Variants in KCNH7 observed in about 807,000 individuals in gnomAD.
The protein encoded by KCNH7 is voltage-gated inwardly rectifying potassium channel KCNH7.
A neutral mutation model predicts 120.8 loss-of-function variants in KCNH7; 49 were observed. The ratio of observed to expected loss-of-function variants is 0.41; its 90% CI spans 0.32 to 0.51. The LOEUF (loss-of-function observed/expected upper bound fraction) is 0.51, where lower values mean the gene tolerates loss of function less well. Ranked by LOEUF, KCNH7 falls within the 20% of genes least tolerant of loss-of-function variation. The pLI is 0.38. For missense variants in KCNH7, 1,097 were observed against 1,446.6 expected, an observed-to-expected ratio of 0.76 and a Z score of 3.92; for synonymous variants, 547 against 516.1, an observed-to-expected ratio of 1.06 and a Z score of -0.81.
At chr2:162,433,203 C>T (rs1688126756) in intron 8 of KCNH7, among the ~76,000 whole-genome samples, 1 of 152,028 alleles carries the variant, frequency 6.6e-6, no homozygotes, top group African/African-American at 2.4e-5. Flanking sequence ...GTCCATACTC[C>T]CCAAAGCAAT....
At chr2:162,639,697 A>G (rs1679550983) in intron 2 of KCNH7, among the ~76,000 whole-genome samples, 1 of 152,140 alleles carries the variant, frequency 6.6e-6, no homozygotes, top group Non-Finnish European at 1.5e-5. Context: ...CACAACTCTT[A>G]TTGAACACAG....
chr2:162,456,282 T>C (rs991108074), intron 6 of KCNH7, among the ~76,000 whole-genome samples: 4 of 152,106 alleles, frequency 2.6e-5, no homozygotes, highest in Admixed American at 2.0e-4. Flanking sequence ...CTAATTTGAT[T>C]GGACTGTGGT....
At chr2:162,666,898 A>G (rs1483748232) in intron 2 of KCNH7, among the ~76,000 whole-genome samples, 1 of 151,772 alleles carries the variant, frequency 6.6e-6, no homozygotes, top group East Asian at 1.9e-4. Context: ...AGTCACTGCC[A>G]TGTCCTCTGA....
chr2:162,484,374 CT>C (rs1246207322), intron 6 of KCNH7, among the ~76,000 whole-genome samples: 1 of 152,054 alleles, frequency 6.6e-6, no homozygotes, highest in African/African-American at 2.4e-5. Context: ...CCCCATTCTC[CT>C]TTTCAGCATC....
chr2:162,679,728 T>A (rs1223532773), intron 2 of KCNH7, among the ~76,000 whole-genome samples: 1 of 151,604 alleles, frequency 6.6e-6, no homozygotes, highest in African/African-American at 2.4e-5. Flanking sequence ...TATCTATCTT[T>A]CAGGGTGAAA....
chr2:162,753,362 T>A (rs1688674670), intron 2 of KCNH7, among the ~76,000 whole-genome samples: 1 of 152,116 alleles, frequency 6.6e-6, no homozygotes, highest in Non-Finnish European at 1.5e-5. Context: ...TCATAATTAT[T>A]TTATATATTT....
chr2:162,633,939 T>A (rs1683853713), intron 2 of KCNH7, among the ~76,000 whole-genome samples: 1 of 152,082 alleles, frequency 6.6e-6, no homozygotes, highest in Admixed American at 6.6e-5. Flanking sequence ...ACTGAAATCT[T>A]TGTACATATT....
intron 6 of KCNH7, among the ~76,000 whole-genome samples, chr2:162,488,764 A>G (rs1690192403): frequency 6.6e-6 from 1 of 152,110 alleles, no homozygotes. Flanking sequence ...TCCCTTTTCA[A>G]ACTTATACTG....
At chr2:162,561,447 A>G (rs562061791) in intron 2 of KCNH7, among the ~76,000 whole-genome samples, 123 of 152,178 alleles carry the variant, frequency 8.1e-4, no homozygotes, top group Non-Finnish European at 1.5e-3. Flanking sequence ...TTCTAGTTCT[A>G]GATTCTTGAG....
chr2:162,742,621 T>A (rs1177173955), intron 2 of KCNH7, among the ~76,000 whole-genome samples: 1 of 152,204 alleles, frequency 6.6e-6, no homozygotes, highest in Non-Finnish European at 1.5e-5. Flanking sequence ...TATCTGCAAT[T>A]CAACTAATTG....
At chr2:162,439,458 G>A (rs1056656213) in intron 7 of KCNH7, among the ~76,000 whole-genome samples, 5 of 151,988 alleles carry the variant, frequency 3.3e-5, no homozygotes, top group Non-Finnish European at 7.4e-5. Flanking sequence ...TATAGCAAAG[G>A]GGACATAATG....
intron 2 of KCNH7, among the ~76,000 whole-genome samples, chr2:162,653,417 GC>G (rs1396527313): frequency 7.6e-4 from 116 of 152,228 alleles, no homozygotes; most frequent in African/African-American, 2.7e-3. Flanking sequence ...AAAATCAGTA[GC>G]AGTTCTATAC....
chr2:162,533,434 A>C (rs1692000593), intron 3 of KCNH7, among the ~76,000 whole-genome samples: 1 of 151,790 alleles, frequency 6.6e-6, no homozygotes, highest in Non-Finnish European at 1.5e-5. Context: ...CACTGTATAA[A>C]AAAGACACAA....
intron 2 of KCNH7, among the ~76,000 whole-genome samples, chr2:162,611,304 C>T (rs1488075720): frequency 2.6e-5 from 4 of 152,118 alleles, no homozygotes; most frequent in Non-Finnish European, 5.9e-5. Context: ...TCGAAGAGTT[C>T]TAGCAGGACA....
Position 162,512,786 on chromosome 2 carries a change from G to A in KCNH7, c.893-112C>T, listed in dbSNP as rs147338876. 3.0e-3 allele frequency: 2,407 copies of A among 800,758 alleles called. 5 individuals carry two copies. Among genetic ancestry groups the A allele is most frequent in the Admixed American group, 4.2e-3 (155 of 37,070 alleles). The allele number at this position is 800,758 out of a possible 1,614,324, so 49.6% of individuals were successfully genotyped here. ...ACAATCAGAGAAATCAGAATATGAT[G>A]GAAAATTTCTCTTTAATTGAAATTA... On this transcript the variant is annotated intron_variant, in intron 4 of 15. Transcript: ENST00000332142.
intron 9 of KCNH7, among the ~76,000 whole-genome samples, chr2:162,422,024 T>G (rs1687722148): frequency 6.6e-6 from 1 of 152,180 alleles, no homozygotes; most frequent in East Asian, 1.9e-4. Flanking sequence ...GATCTCTTTC[T>G]TGTGAGATTA....
chr2:162,785,661 T>C (rs1474228824), intron 2 of KCNH7, among the ~76,000 whole-genome samples: 1 of 152,216 alleles, frequency 6.6e-6, no homozygotes. Context: ...TGTTTTGCAC[T>C]ATTACTCCAT....
At chr2:162,551,757 T>C (rs939530809) in intron 2 of KCNH7, among the ~76,000 whole-genome samples, 1 of 152,178 alleles carries the variant, frequency 6.6e-6, no homozygotes, top group African/African-American at 2.4e-5. Context: ...AGGTATAGTG[T>C]GGGTGCCCCA....
chr2:162,593,554 T>C (rs10930060), intron 2 of KCNH7, among the ~76,000 whole-genome samples: 6,027 of 152,114 alleles, frequency 0.04, 237 homozygotes, highest in East Asian at 0.11. Context: ...CCTTCAATAT[T>C]GTTCTTTGGT....
Sources: gnomAD v4.1 joint callset for allele counts (sites outside exome capture counted in the v4.1 genomes callset) on GRCh38, gnomAD v4.1.1 for gene constraint, MANE v1.5 for transcripts, NCBI Gene and HGNC (gene_info 2026-07-23, HGNC 2026-07-21) for gene names.